The following PDZRN3 variants were observed in gnomAD, a reference collection of about 807,000 sequenced individuals.
The protein encoded by PDZRN3 is E3 ubiquitin-protein ligase PDZRN3.
A neutral mutation model predicts 85.7 loss-of-function variants in PDZRN3; 38 were observed. The ratio of observed to expected loss-of-function variants is 0.44; its 90% CI spans 0.34 to 0.58. The LOEUF is 0.58. PDZRN3 is among the 20% of genes least tolerant of loss of function. PDZRN3 has a pLI of 0.01. For synonymous variants in PDZRN3, 759 were observed against 638.0 expected (o/e 1.19, Z -2.86); for missense variants, 1,629 against 1,506.4 (o/e 1.08, Z -1.35).
intron 2 of PDZRN3, 114 bp downstream of exon 2, chr3:73,608,484 G>A: frequency 2.8e-6 from 2 of 718,542 alleles, no homozygotes; most frequent in Non-Finnish European, 5.0e-6. Flanking sequence ...TCTAATGACA[G>A]AGAGCAGAAT....
At chr3:73,414,334 A>G (rs1279584932) in intron 3 of PDZRN3, among the ~76,000 whole-genome samples, 1 of 152,238 alleles carries the variant, frequency 6.6e-6, no homozygotes, top group Non-Finnish European at 1.5e-5. Context: ...AATCAAAGCT[A>G]AAGTTGATTC....
chr3:73,504,554 G>A (rs1055160217), intron 3 of PDZRN3, among the ~76,000 whole-genome samples: 5 of 152,090 alleles, frequency 3.3e-5, no homozygotes, highest in Non-Finnish European at 7.4e-5. Context: ...ACATGCATCT[G>A]AACACTCTTT....
At chr3:73,537,786 ATTTTTTT>A (rs11387585) in intron 3 of PDZRN3, among the ~76,000 whole-genome samples, 1 of 137,256 alleles carries the variant, frequency 7.3e-6, no homozygotes, top group Non-Finnish European at 1.6e-5. Flanking sequence ...CACCCGGCTA[ATTTTTTT>A]TTTTTTTTTT....
At chr3:73,597,023 T>C (rs191737821) in intron 3 of PDZRN3, among the ~76,000 whole-genome samples, 2 of 152,218 alleles carry the variant, frequency 1.3e-5, no homozygotes, top group Admixed American at 6.5e-5. Context: ...TTGGGGAATC[T>C]GGGTTAACGG....
intron 3 of PDZRN3, among the ~76,000 whole-genome samples, chr3:73,524,849 C>G (rs553212537): frequency 1.0e-3 from 156 of 151,838 alleles, no homozygotes; most frequent in South Asian, 8.5e-3. Context: ...GTGAAACATA[C>G]CACAGAAGGG....
At chr3:73,389,963 C>T (rs1701486172) in intron 6 of PDZRN3, 85 bp from the exon 7 acceptor site, 1 of 936,324 alleles carries the variant, frequency 1.1e-6, no homozygotes, top group African/African-American at 1.6e-5. Context: ...TTCTAAAACA[C>T]AGTCATGCTC....
chr3:73,465,868 T>C (rs1257885873), intron 3 of PDZRN3, among the ~76,000 whole-genome samples: 2 of 152,204 alleles, frequency 1.3e-5, no homozygotes, highest in Non-Finnish European at 2.9e-5. Flanking sequence ...GAAAAACACA[T>C]TGAATGTTTT....
intron 3 of PDZRN3, among the ~76,000 whole-genome samples, chr3:73,465,916 T>C (rs931611850): frequency 2.6e-5 from 4 of 152,220 alleles, no homozygotes; most frequent in African/African-American, 9.6e-5. Flanking sequence ...GAATTTTGCA[T>C]TGAGGAATGA....
chr3:73,519,809 A>T (rs1704322199), intron 3 of PDZRN3, among the ~76,000 whole-genome samples: 1 of 152,240 alleles, frequency 6.6e-6, no homozygotes, highest in Non-Finnish European at 1.5e-5. Context: ...CTACTGACTC[A>T]GAAACCTTGG....
intron 3 of PDZRN3, among the ~76,000 whole-genome samples, chr3:73,586,486 T>A (rs1317234194): frequency 6.6e-6 from 1 of 152,248 alleles, no homozygotes; most frequent in Non-Finnish European, 1.5e-5. Flanking sequence ...GTACCAGGCA[T>A]GGTGCTAGTA....
chr3:73,482,057 G>A (rs1266157527), intron 3 of PDZRN3, among the ~76,000 whole-genome samples: 1 of 152,152 alleles, frequency 6.6e-6, no homozygotes. Flanking sequence ...GACAGTGGCT[G>A]CCTGGAGTGA....
chr3:73,558,040 T>C (rs1701737907), intron 3 of PDZRN3, among the ~76,000 whole-genome samples: 1 of 152,098 alleles, frequency 6.6e-6, no homozygotes, highest in Non-Finnish European at 1.5e-5. Context: ...AAATGCATAA[T>C]TTTTACATTT....
chr3:73,624,242 T>C lies in PDZRN3; in HGVS notation c.584A>G (p.Glu195Gly). Residue 195 changes from glutamate (E) to glycine (G), a missense_variant, in exon 1 of 10, where the codon GAG becomes GGG. By Grantham distance (98) the Glu-to-Gly change is moderately conservative. Coordinates refer to ENST00000263666, the MANE Select transcript of PDZRN3 (RefSeq NM_015009.3). Reference protein sequence around the residue: ...KKEALRAGKREKSLVAQLAAA... With the variant: ...KKEALRAGKRGKSLVAQLAAA... ...GGCCAGCTGGGCCACCAGCGACTTC[T>C]CGCGCTTCCCAGCGCGCAGCGCCTC... 6.8e-7 allele frequency: 1 copy of C among 1,469,564 alleles called. No individual in the cohort carries two copies. Among genetic ancestry groups the C allele is most frequent in the Non-Finnish European group, 9.0e-7 (1 of 1,116,436 alleles). 91.0% of individuals were successfully genotyped at this position (1,469,564 alleles called of 1,614,324 possible). A position where few individuals can be genotyped will look rare whatever the true frequency, so the allele number is the denominator to read the frequency against.
chr3:73,600,407 G>A (rs1181298554), intron 3 of PDZRN3, among the ~76,000 whole-genome samples: 2 of 138,638 alleles, frequency 1.4e-5, no homozygotes, highest in East Asian at 2.3e-4. Flanking sequence ...AAACTCAGAC[G>A]CAGATGAGGT....
At chr3:73,435,022 A>G (rs560393893) in intron 3 of PDZRN3, among the ~76,000 whole-genome samples, 12 of 152,184 alleles carry the variant, frequency 7.9e-5, no homozygotes, top group Admixed American at 3.3e-4. Flanking sequence ...AGCCTTCACC[A>G]TTTTACAAAG....
chr3:73,460,261 A>C (rs771235700), intron 3 of PDZRN3, among the ~76,000 whole-genome samples: 4 of 152,222 alleles, frequency 2.6e-5, no homozygotes, highest in South Asian at 2.1e-4. Context: ...AAATATATCA[A>C]TAGGTGAGAG....
At chr3:73,536,203 A>C (rs1704781623) in intron 3 of PDZRN3, among the ~76,000 whole-genome samples, 1 of 152,240 alleles carries the variant, frequency 6.6e-6, no homozygotes, top group Non-Finnish European at 1.5e-5. Flanking sequence ...ACTCCAAGGA[A>C]CCAACTGTGC....
chr3:73,525,533 A>T (rs1358560941), intron 3 of PDZRN3, among the ~76,000 whole-genome samples: 3 of 152,244 alleles, frequency 2.0e-5, no homozygotes, highest in African/African-American at 7.2e-5. Context: ...AACATATGTA[A>T]CAAAATAGAG....
chr3:73,474,380 G>T, intron 3 of PDZRN3: 1 of 804,054 alleles, frequency 1.2e-6, no homozygotes, highest in Non-Finnish European at 1.7e-6. Context: ...GCTATCGGTG[G>T]TGTATAATGA....
Sources: gnomAD v4.1 joint callset for allele counts (sites outside exome capture counted in the v4.1 genomes callset) on GRCh38, gnomAD v4.1.1 for gene constraint, MANE v1.5 for transcripts, NCBI Gene and HGNC (gene_info 2026-07-23, HGNC 2026-07-21) for gene names.